SERPINB10: variants seen among roughly 807,000 people sequenced by gnomAD.
The protein encoded by SERPINB10 is serpin B10.
In SERPINB10, 35 loss-of-function variants were observed where a neutral mutation model predicts 39.1. That is an observed-to-expected ratio of 0.90 (90% confidence interval 0.68 to 1.19). SERPINB10 has a LOEUF of 1.19. SERPINB10 is among the 50% of genes most tolerant of loss of function. The pLI is 0.00. For synonymous variants in SERPINB10, 190 were observed against 158.1 expected (o/e 1.20, Z -1.52); for missense variants, 546 against 460.5 (o/e 1.19, Z -1.70).
At chr18:63,918,239 G>A (rs2050119163) in intron 4 of SERPINB10, 137 bp downstream of exon 4, 2 of 810,936 alleles carry the variant, frequency 2.5e-6, no homozygotes, top group Admixed American at 2.6e-5. Flanking sequence ...CAATCAATTA[G>A]ACCAACCAAT....
chr18:63,918,186 G>A (rs906695729), intron 4 of SERPINB10, 84 bp downstream of exon 4: 11 of 1,419,178 alleles, frequency 7.8e-6, no homozygotes, highest in Admixed American at 3.6e-5. Flanking sequence ...ATTTCTTTAG[G>A]GATCCAGGGA....
At chr18:63,927,122 T>A (rs957216505) in intron 5 of SERPINB10, among the ~76,000 whole-genome samples, 1 of 151,970 alleles carries the variant, frequency 6.6e-6, no homozygotes, top group Non-Finnish European at 1.5e-5. Context: ...ACTTAGTATT[T>A]TGAGAAAAAT....
intron 4 of SERPINB10, among the ~76,000 whole-genome samples, chr18:63,919,221 G>A (rs1568245455): frequency 6.8e-6 from 1 of 148,148 alleles, no homozygotes. Flanking sequence ...AGGACCAGGA[G>A]GAGGTGAAGG....
At position 63,933,155 on chromosome 18, in the gene SERPINB10, C is replaced by T. The variant is rs1465454263; in HGVS notation, c.741C>T (p.Asp247=). ...TTCAACTCTACTACAAAAGCCGTGA[C>T]CTCAGCCTGCTTATACTACTGCCAG... ...VGLQLYYKSR[D]LSLLILLPED... is the part of the protein sequence containing the mutation. The change falls in exon 7 of 8, where the codon GAC becomes GAT. Residue 247 remains aspartate, a synonymous_variant. Transcript: ENST00000238508. The T allele has an allele frequency of 6.2e-7, 1 of 1,613,970 alleles. No homozygotes were observed. The highest frequency in any genetic ancestry group is 1.1e-5 in the South Asian group (1 of 91,074).
intron 7 of SERPINB10, 135 bp downstream of exon 7, chr18:63,933,338 C>A: frequency 2.2e-6 from 2 of 914,562 alleles, no homozygotes; most frequent in Non-Finnish European, 3.4e-6. Context: ...AGAGAAAGGT[C>A]ACCAATGTAC....
chr18:63,934,945 T>A lies in SERPINB10; in HGVS notation c.897T>A (p.Ser299Arg). 6.2e-7 allele frequency: 1 copy of A among 1,614,242 alleles called. No individual in the cohort carries two copies. The highest frequency in any genetic ancestry group is 8.5e-7 in the Non-Finnish European group (1 of 1,180,042). ...TTCCCAAGTTCAAGCTGGAAGACAG[T>A]TATGATCTCAAGTCAACCCTGAGCA... ...LHLPKFKLED[S>R]YDLKSTLSSM... Residue 299 changes from serine to arginine, a missense_variant, in exon 8 of 8, where the codon AGT (serine) becomes AGA (arginine). Coordinates refer to ENST00000238508, the MANE Select transcript of SERPINB10 (RefSeq NM_005024.3).
rs1599079335 is a variant in SERPINB10, at chr18:63,917,842, A to G, written c.235-123A>G. On this transcript the variant is annotated intron_variant, in intron 3 of 7. Coordinates refer to ENST00000238508, the MANE Select transcript of SERPINB10 (RefSeq NM_005024.3). ...AACACTAAAGAAAACATTTTTATCC[A>G]CTTTAGGAACATTTTCAACTTTTGT... The G allele has an allele frequency of 1.7e-5, 14 of 827,472 alleles. No individual in the cohort carries two copies. The East Asian group carries it at 3.7e-4, about 22-fold the overall frequency. The allele number at this position is 827,472 out of a possible 1,614,324, so 51.3% of individuals were successfully genotyped here.
intron 5 of SERPINB10, among the ~76,000 whole-genome samples, chr18:63,923,197 C>A (rs2050158466): frequency 6.6e-6 from 1 of 151,974 alleles, no homozygotes; most frequent in Non-Finnish European, 1.5e-5. Flanking sequence ...TCACTCTATT[C>A]CTCAGAAGCA....
In SERPINB10 at chr18:63,919,897, A is replaced by C; in HGVS notation, c.482A>C (p.Gln161Pro). The change falls in exon 5 of 8, where the codon CAG becomes CCG. Residue 161 changes from glutamine to proline, a missense_variant. Coordinates refer to ENST00000238508, the MANE Select transcript of SERPINB10 (RefSeq NM_005024.3). ...RKDINSWVER[Q>P]TEGKIQNLLP... ...GACATCAACTCTTGGGTTGAAAGAC[A>C]GACCGAGGGTAAGCTTTCACCAAGG... is the stretch of plus-strand genomic sequence containing the variant. The C allele has an allele frequency of 6.2e-7, 1 of 1,600,330 alleles. No homozygotes were observed. Among genetic ancestry groups the C allele is most frequent in the Non-Finnish European group, 8.5e-7 (1 of 1,172,206 alleles).
At chr18:63,912,800 G>A (rs2050074015) in intron 1 of SERPINB10, among the ~76,000 whole-genome samples, 2 of 151,980 alleles carry the variant, frequency 1.3e-5, no homozygotes, top group African/African-American at 4.8e-5. Flanking sequence ...TGTAGAATGA[G>A]TTAGAGAGGA....
Position 63,935,117 on chromosome 18 carries a change from A to T in SERPINB10, c.1069A>T (p.Ser357Cys). ...TACTGAAGCTGCAGCTGGCAGTGGGAGTGAGATAGATATACGAATTAGAGT... is the reference window on the plus strand; with the variant it reads ...TACTGAAGCTGCAGCTGGCAGTGGGTGTGAGATAGATATACGAATTAGAGT... The part of the protein sequence containing the change: ...QGTEAAAGSG[S>C]EIDIRIRVPS... The change falls in exon 8 of 8, where the codon AGT becomes TGT. Residue 357 changes from serine to cysteine, a missense_variant. Coordinates refer to ENST00000238508, the MANE Select transcript of SERPINB10 (RefSeq NM_005024.3). 1 of 1,613,904 alleles carries T rather than the reference A, an allele frequency of 6.2e-7. No individual in the cohort carries two copies.
At chr18:63,917,641 A>T (rs548334194) in intron 3 of SERPINB10, 120 bp downstream of exon 3, 452 of 596,366 alleles carry the variant, frequency 7.6e-4, no homozygotes, top group Non-Finnish European at 1.1e-3. Context: ...CATATATTAA[A>T]GTTACAGAAA....
chr18:63,917,840 C>A (rs1228750473), intron 3 of SERPINB10, 125 bp from the exon 4 acceptor site: 2 of 796,424 alleles, frequency 2.5e-6, no homozygotes, highest in Non-Finnish European at 2.0e-6. Context: ...ACATTTTTAT[C>A]CACTTTAGGA....
At chr18:63,918,201 C>T in intron 4 of SERPINB10, 99 bp downstream of exon 4, 2 of 1,278,352 alleles carry the variant, frequency 1.6e-6, no homozygotes, top group Non-Finnish European at 1.1e-6. Flanking sequence ...CAGGGACAAT[C>T]TTCATGTGGT....
intron 5 of SERPINB10, among the ~76,000 whole-genome samples, chr18:63,921,616 T>G (rs919424120): frequency 6.6e-6 from 1 of 151,902 alleles, no homozygotes; most frequent in Non-Finnish European, 1.5e-5. Context: ...CTAACCTCCA[T>G]TTACCACCCA....
rs548347491 is a variant in SERPINB10, at chr18:63,931,177, G to A, written c.633+990G>A. Among the ~76,000 whole-genome samples the A allele has an allele frequency of 5.3e-4, 80 of 152,294 alleles. 2 individuals are homozygous for A. The South Asian group carries it at 0.014, about 28-fold the overall frequency. ...AGCTGAGGTGACAAAAAACTGGGAA[G>A]TCCAGGAGTGAGTGATTGGGGTATT... On this transcript the variant is annotated intron_variant, in intron 6 of 7. Coordinates refer to ENST00000238508, the MANE Select transcript of SERPINB10 (RefSeq NM_005024.3).
At chr18:63,927,597 G>A (rs1446562782) in intron 5 of SERPINB10, among the ~76,000 whole-genome samples, 3 of 151,034 alleles carry the variant, frequency 2.0e-5, no homozygotes, top group Non-Finnish European at 4.4e-5. Flanking sequence ...TCCTATTCAT[G>A]AGGGCAGAGC....
chr18:63,909,267 T>C (rs2050047122), intron 1 of SERPINB10, among the ~76,000 whole-genome samples: 1 of 151,980 alleles, frequency 6.6e-6, no homozygotes, highest in Non-Finnish European at 1.5e-5. Flanking sequence ...GAAAATAACC[T>C]GGTAGACTTC....
Position 63,935,471 on chromosome 18 carries a change from A to T in SERPINB10, c.*229A>T, listed in dbSNP as rs2050256601. ...ACACGTTAACATTTTGTCTAATGTG[A>T]CTTTCATTTACATTTCAGAAGTACT... On this transcript the variant is annotated 3_prime_UTR_variant, in exon 8 of 8. Coordinates refer to ENST00000238508, the MANE Select transcript of SERPINB10 (RefSeq NM_005024.3). 2 of 453,076 alleles carry T rather than the reference A, an allele frequency of 4.4e-6. No individual in the cohort carries two copies. The highest frequency in any genetic ancestry group is 7.7e-6 in the Non-Finnish European group (2 of 259,048). 28.1% of individuals were successfully genotyped at this position (453,076 alleles called of 1,614,324 possible).
Sources: allele counts gnomAD v4.1 joint callset (sites outside exome capture counted in the v4.1 genomes callset), GRCh38; gene constraint gnomAD v4.1.1; transcripts MANE v1.5; gene names NCBI Gene and HGNC (gene_info 2026-07-23, HGNC 2026-07-21).